Variants in HEG1 observed in about 807,000 individuals in gnomAD.
HEG1 encodes protein HEG homolog 1.
In HEG1, 56 loss-of-function variants were observed where a neutral mutation model predicts 125.6. That is an observed-to-expected ratio of 0.45 (90% CI 0.36 to 0.56). The LOEUF (loss-of-function observed/expected upper bound fraction) is 0.56, where lower values mean the gene tolerates loss of function less well. Ranked by LOEUF, HEG1 falls within the 20% of genes least tolerant of loss-of-function variation. The pLI is 0.00. For synonymous variants in HEG1, 644 were observed against 668.5 expected, an observed-to-expected ratio of 0.96 and a Z score of 0.57; for missense variants, 1,523 against 1,670.0, an observed-to-expected ratio of 0.91 and a Z score of 1.53.
chr3:125,009,963 G>T, intron 7 of HEG1, 139 bp from the exon 8 acceptor site: 2 of 821,566 alleles, frequency 2.4e-6, no homozygotes, highest in Non-Finnish European at 3.5e-6. Context: ...GAACACTCTT[G>T]CCCTCAAGGG....
rs112805025 is a variant in HEG1 at position 125,015,609 on chromosome 3, C to T, written c.1589-1619G>A. ...ATTGATGGGGATGGAAGAGGGCAGA[C>T]GACACATGAATAAATGTCTGTTTCA... On this transcript the variant is annotated intron_variant, in intron 5 of 16. Transcript: ENST00000311127. 2.5e-3 allele frequency among the ~76,000 whole-genome samples: 383 copies of T among 152,196 alleles called. 2 individuals carry two copies. Among genetic ancestry groups the T allele is most frequent in the African/African-American group, 8.6e-3 (359 of 41,520 alleles).
chr3:124,972,773 T>C (rs1332774733), intron 16 of HEG1, among the ~76,000 whole-genome samples: 3 of 152,154 alleles, frequency 2.0e-5, no homozygotes, highest in Non-Finnish European at 4.4e-5. Flanking sequence ...AGCTGGGCAG[T>C]TTACAGGAAT....
chr3:124,989,817 TC>T (rs990485388), intron 14 of HEG1, among the ~76,000 whole-genome samples: 7 of 152,194 alleles, frequency 4.6e-5, no homozygotes, highest in African/African-American at 1.7e-4. Context: ...CTTTCCTTGA[TC>T]AAACTGCTTT....
intron 5 of HEG1, among the ~76,000 whole-genome samples, chr3:125,015,210 G>C (rs572046465): frequency 1.1e-4 from 16 of 152,228 alleles, no homozygotes; most frequent in African/African-American, 3.9e-4. Flanking sequence ...CAGCACAACT[G>C]TTCAGGCACC....
rs193265816 is a variant in HEG1, at chr3:125,013,651, G to A, written c.1928C>T (p.Pro643Leu). 274 of 1,612,596 alleles carry A rather than the reference G, an allele frequency of 1.7e-4. 2 individuals carry two copies. The highest frequency in any genetic ancestry group is 1.7e-3 in the African/African-American group (127 of 74,860). ...LPSYTPTINMPNTSVVLDTDA... is the reference protein window; with the variant it reads ...LPSYTPTINMLNTSVVLDTDA... ...AGTGTCCAGAACAACCGAAGTGTTC[G>A]GCATATTAATGGTGGGTGTGTAGGA... is the stretch of plus-strand genomic sequence containing the variant. Residue 643 changes from proline to leucine, a missense_variant, in exon 6 of 17, where the codon CCG becomes CTG. By Grantham distance (98) the Pro-to-Leu change is moderately conservative (BLOSUM62 -3). Transcript: ENST00000311127.
chr3:124,998,222 C>A (rs1373220975), intron 11 of HEG1, among the ~76,000 whole-genome samples: 1 of 152,162 alleles, frequency 6.6e-6, no homozygotes, highest in Admixed American at 6.5e-5. Flanking sequence ...CGGCTGAGTT[C>A]TTAGGAAGCC....
At chr3:125,039,924 T>C (rs1560034483) in intron 1 of HEG1, among the ~76,000 whole-genome samples, 1 of 151,668 alleles carries the variant, frequency 6.6e-6, no homozygotes, top group Non-Finnish European at 1.5e-5. Flanking sequence ...CTTGTTTCTC[T>C]CTAAGAGGAA....
chr3:124,990,262 C>T (rs1261182192), intron 14 of HEG1, among the ~76,000 whole-genome samples: 3 of 152,074 alleles, frequency 2.0e-5, no homozygotes, highest in African/African-American at 7.2e-5. Flanking sequence ...TGTTTCTCTC[C>T]CTGCCCAGCC....
chr3:125,051,477 C>T (rs1016434983), intron 1 of HEG1, among the ~76,000 whole-genome samples: 8 of 152,164 alleles, frequency 5.3e-5, no homozygotes, highest in Non-Finnish European at 1.0e-4. Flanking sequence ...AAAATCCTGC[C>T]GCCTCCATTT....
At chr3:124,985,385 TATTTTTTAAAAAAGGA>T (rs1936721301) in intron 14 of HEG1, among the ~76,000 whole-genome samples, 1 of 152,228 alleles carries the variant, frequency 6.6e-6, no homozygotes, top group Non-Finnish European at 1.5e-5. Context: ...GCTATATTGT[TATTTTTTAAAAAAGGA>T]ATTTATTTTA....
intron 1 of HEG1, among the ~76,000 whole-genome samples, chr3:125,037,103 A>T (rs2107710591): frequency 6.6e-6 from 1 of 152,358 alleles, no homozygotes; most frequent in Non-Finnish European, 1.5e-5. Context: ...ATTTTAAAGG[A>T]TTGACCAAAA....
At chr3:125,040,405 A>G (rs562509772) in intron 1 of HEG1, among the ~76,000 whole-genome samples, 1 of 152,280 alleles carries the variant, frequency 6.6e-6, no homozygotes, top group East Asian at 1.9e-4. Flanking sequence ...AGCCCTACAG[A>G]AAGTCCCTAG....
intron 12 of HEG1, 33 bp from the exon 13 acceptor site, chr3:124,991,019 C>T: frequency 2.0e-6 from 3 of 1,516,766 alleles, no homozygotes; most frequent in Non-Finnish European, 2.7e-6. Context: ...ATGAGTGTGT[C>T]TATTTACCTC....
chr3:124,989,265 T>C (rs1936791189), intron 14 of HEG1, among the ~76,000 whole-genome samples: 1 of 152,202 alleles, frequency 6.6e-6, no homozygotes, highest in Non-Finnish European at 1.5e-5. Flanking sequence ...AACTTGCTAA[T>C]AGAAAACCTT....
At chr3:124,995,437 G>A (rs888750502) in intron 12 of HEG1, among the ~76,000 whole-genome samples, 1 of 152,254 alleles carries the variant, frequency 6.6e-6, no homozygotes, top group African/African-American at 2.4e-5. Flanking sequence ...GAGACACCAA[G>A]CACGTTGTGT....
rs1314884884 is a variant in HEG1, at chr3:124,967,710, TC to T, written c.*2941del. On this transcript the variant is annotated 3_prime_UTR_variant, in exon 17 of 17. Coordinates refer to ENST00000311127, the MANE Select transcript of HEG1 (RefSeq NM_020733.2). ...TCTACAGGGCAAGCTATTTATCCTC[TC>T]TGAAGGTTTCTGTACCTGAGAAATG... 1 of 152,112 alleles carries T rather than the reference TC, an allele frequency of 6.6e-6. No individual in the cohort carries two copies. Among genetic ancestry groups the T allele is most frequent in the South Asian group, 2.1e-4 (1 of 4,814 alleles). 9.4% of individuals were successfully genotyped at this position (152,112 alleles called of 1,614,324 possible).
At chr3:125,026,056 A>G (rs539908792) in intron 3 of HEG1, among the ~76,000 whole-genome samples, 5 of 152,332 alleles carry the variant, frequency 3.3e-5, no homozygotes, top group Admixed American at 6.5e-5. Flanking sequence ...AATTTTGGAG[A>G]CAACCTAACC....
rs537872613 is a variant in HEG1, at chr3:124,997,679, C to G, written c.3652+10G>C. On this transcript the variant is annotated intron_variant, in intron 12 of 16. Coordinates refer to ENST00000311127, the MANE Select transcript of HEG1 (RefSeq NM_020733.2). The stretch of plus-strand genomic sequence containing the variant: ...ACTGGGCACAGAACCCCAGGCGAAG[C>G]TGTGGCTACCTCGGCAGGAGTGGTC... 3.8e-6 allele frequency: 6 copies of G among 1,562,524 alleles called. No individual in the cohort carries two copies. In the East Asian group the frequency reaches 9.2e-5, roughly 24 times the overall value.
intron 15 of HEG1, among the ~76,000 whole-genome samples, chr3:124,976,497 ATTTT>A (rs35716888): frequency 2.1e-5 from 3 of 141,836 alleles, no homozygotes; most frequent in African/African-American, 7.7e-5. Context: ...GCTATTTTCT[ATTTT>A]TTTTTTTTTT....
Sources: allele counts gnomAD v4.1 joint callset (sites outside exome capture counted in the v4.1 genomes callset), GRCh38; gene constraint gnomAD v4.1.1; transcripts MANE v1.5; gene names NCBI Gene and HGNC (gene_info 2026-07-23, HGNC 2026-07-21).